Variants in ROBO1 observed in about 807,000 individuals in gnomAD.
ROBO1 encodes the protein roundabout guidance receptor 1.
Under a neutral mutation model 195.9 loss-of-function variants are expected in ROBO1, and 149 were observed. The ratio of observed to expected loss-of-function variants is 0.76; its 90% confidence interval spans 0.67 to 0.87. The LOEUF is 0.87. ROBO1 is among the 40% of genes least tolerant of loss of function. The pLI, the probability that ROBO1 is intolerant of heterozygous loss-of-function variation, is 0.00. For missense variants in ROBO1, 1,933 were observed against 2,068.3 expected (o/e 0.93, Z 1.27); for synonymous variants, 816 against 733.2 (o/e 1.11, Z -1.82).
At chr3:79,430,272 T>C (rs2038623320) in intron 2 of ROBO1, among the ~76,000 whole-genome samples, 1 of 152,082 alleles carries the variant, frequency 6.6e-6, no homozygotes, top group African/African-American at 2.4e-5. Context: ...TTAAGTTCAA[T>C]AAAAATAATA....
chr3:79,376,898 A>T lies in ROBO1; in HGVS notation c.88+212926T>A, dbSNP rs114961305. ...TGTCTCCAAGGAAACCAAGAAAATA[A>T]CAAGATGTAAGGTTTCTTCTCCTAC... On this transcript the variant is annotated intron_variant, in intron 2 of 30. Transcript: ENST00000464233. Among the ~76,000 whole-genome samples, 482 of 152,304 alleles carry T rather than the reference A, an allele frequency of 3.2e-3. 3 individuals carry two copies. Among genetic ancestry groups the T allele is most frequent in the African/African-American group, 0.011 (444 of 41,558 alleles).
intron 1 of ROBO1, among the ~76,000 whole-genome samples, chr3:79,752,399 T>A (rs1247291051): frequency 1.3e-5 from 2 of 152,174 alleles, no homozygotes; most frequent in Non-Finnish European, 2.9e-5. Context: ...TCTCTCTGGG[T>A]GCCGGCAATC....
chr3:79,715,953 T>C (rs929656126), intron 1 of ROBO1, among the ~76,000 whole-genome samples: 3 of 152,084 alleles, frequency 2.0e-5, no homozygotes, highest in African/African-American at 7.2e-5. Flanking sequence ...TGTATAGGAA[T>C]CTTAATGTGA....
intron 3 of ROBO1, among the ~76,000 whole-genome samples, chr3:78,939,326 C>A (rs1240718701): frequency 2.6e-5 from 4 of 151,976 alleles, no homozygotes; most frequent in African/African-American, 7.3e-5. Flanking sequence ...TTCAACAAAA[C>A]ATATGTGGCC....
chr3:79,018,025 G>A (rs1022955151), intron 3 of ROBO1, among the ~76,000 whole-genome samples: 3 of 152,172 alleles, frequency 2.0e-5, no homozygotes, highest in African/African-American at 4.8e-5. Flanking sequence ...CCCTCCCCAG[G>A]GAAGCAGCCG....
At chr3:79,315,917 G>C (rs73122597) in intron 2 of ROBO1, among the ~76,000 whole-genome samples, 14,294 of 152,148 alleles carry the variant, frequency 0.094, 756 homozygotes, top group Middle Eastern at 0.13. Context: ...TAAAGAATAA[G>C]CTAACAAGGA....
At chr3:79,303,167 T>C (rs982014456) in intron 2 of ROBO1, among the ~76,000 whole-genome samples, 3 of 145,006 alleles carry the variant, frequency 2.1e-5, no homozygotes, top group African/African-American at 2.5e-5. Flanking sequence ...TAGGTTTTTT[T>C]TTTTTTTTTT....
chr3:79,734,903 G>T (rs574326219), intron 1 of ROBO1, among the ~76,000 whole-genome samples: 1 of 152,178 alleles, frequency 6.6e-6, no homozygotes, highest in Non-Finnish European at 1.5e-5. Context: ...GTTTTAATTT[G>T]TCTGGATGCT....
At chr3:79,696,795 T>C (rs1032075984) in intron 1 of ROBO1, among the ~76,000 whole-genome samples, 4 of 151,480 alleles carry the variant, frequency 2.6e-5, no homozygotes, top group African/African-American at 9.7e-5. Context: ...AAAGTGGCAA[T>C]TGTATTAGTT....
At chr3:78,632,890 T>G (rs1705266232) in intron 24 of ROBO1, among the ~76,000 whole-genome samples, 1 of 152,220 alleles carries the variant, frequency 6.6e-6, no homozygotes, top group African/African-American at 2.4e-5. Flanking sequence ...AATTCAGGAT[T>G]GACTTAGCTT....
intron 4 of ROBO1, among the ~76,000 whole-genome samples, chr3:78,791,472 A>G (rs895206389): frequency 2.0e-5 from 3 of 152,208 alleles, no homozygotes; most frequent in Non-Finnish European, 4.4e-5. Context: ...TTAAAAACCA[A>G]TATGCAGAGA....
intron 2 of ROBO1, among the ~76,000 whole-genome samples, chr3:79,440,216 A>T (rs1404594034): frequency 1.3e-5 from 2 of 151,962 alleles, no homozygotes; most frequent in East Asian, 3.9e-4. Context: ...AAGTACAATA[A>T]ACTTTTAGTT....
chr3:79,253,886 G>A (rs2082777681), intron 2 of ROBO1, among the ~76,000 whole-genome samples: 1 of 152,200 alleles, frequency 6.6e-6, no homozygotes, highest in African/African-American at 2.4e-5. Flanking sequence ...AGCAAAGTGT[G>A]ACTGTACAGT....
Position 78,693,113 on chromosome 3 carries a change from A to G in ROBO1, c.1046-4341T>C, listed in dbSNP as rs542754804. 95 of 460,650 alleles carry G rather than the reference A, an allele frequency of 2.1e-4. 2 individuals carry two copies. The South Asian group carries it at 4.0e-3, about 19-fold the overall frequency. 28.5% of individuals were successfully genotyped at this position (460,650 alleles called of 1,614,324 possible). A position where few individuals can be genotyped will look rare whatever the true frequency, so the allele number is the denominator to read the frequency against. ...AGAAATAAAAGGATGCAGATCACACATCATTTAATTTCATAAGATATAAAG... is the reference window on the plus strand; with the variant it reads ...AGAAATAAAAGGATGCAGATCACACGTCATTTAATTTCATAAGATATAAAG... On this transcript the variant is annotated intron_variant, in intron 8 of 30. Transcript: ENST00000464233.
chr3:78,845,729 G>A (rs2033620927), intron 4 of ROBO1, among the ~76,000 whole-genome samples: 1 of 152,154 alleles, frequency 6.6e-6, no homozygotes, highest in African/African-American at 2.4e-5. Context: ...CCCCCGGAGG[G>A]GAAAGTGGTA....
intron 2 of ROBO1, among the ~76,000 whole-genome samples, chr3:79,239,016 A>G (rs1402300536): frequency 6.6e-6 from 1 of 152,156 alleles, no homozygotes. Context: ...AAAATCCCTA[A>G]CACAGCACAA....
intron 2 of ROBO1, among the ~76,000 whole-genome samples, chr3:79,583,101 G>A (rs1026321224): frequency 6.6e-6 from 1 of 151,888 alleles, no homozygotes; most frequent in Admixed American, 6.6e-5. Context: ...CCTTGCTAAC[G>A]TGTATGTTTT....
intron 4 of ROBO1, among the ~76,000 whole-genome samples, chr3:78,827,363 T>A (rs1251727837): frequency 2.0e-5 from 3 of 152,126 alleles, no homozygotes; most frequent in African/African-American, 7.2e-5. Flanking sequence ...TTTCTAAGAA[T>A]AAAAAAGCTA....
chr3:78,756,543 T>C (rs1258949722), intron 4 of ROBO1, among the ~76,000 whole-genome samples: 1 of 152,164 alleles, frequency 6.6e-6, no homozygotes, highest in Admixed American at 6.6e-5. Flanking sequence ...TCAATAAAAG[T>C]ACAACACACT....
Sources: gnomAD v4.1 joint callset for allele counts (sites outside exome capture counted in the v4.1 genomes callset) on GRCh38, gnomAD v4.1.1 for gene constraint, MANE v1.5 for transcripts, NCBI Gene and HGNC (gene_info 2026-07-23, HGNC 2026-07-21) for gene names.